The following ZNF536 variants were observed in gnomAD, a reference collection of about 807,000 sequenced individuals.
The protein encoded by ZNF536 is zinc finger protein 536.
ZNF536 carries 13 observed loss-of-function variants against 84.5 expected under a neutral mutation model. The ratio of observed to expected loss-of-function variants is 0.15; its 90% CI spans 0.10 to 0.24. The LOEUF (loss-of-function observed/expected upper bound fraction) is 0.24, where lower values mean the gene tolerates loss of function less well. Ranked by LOEUF, ZNF536 falls within the 10% of genes least tolerant of loss-of-function variation. The pLI is 1.00. For missense variants in ZNF536, 1,536 were observed against 1,747.5 expected, an observed-to-expected ratio of 0.88 and a Z score of 2.16; for synonymous variants, 811 against 742.5, an observed-to-expected ratio of 1.09 and a Z score of -1.50.
intron 4 of ZNF536, chr19:30,554,409 C>T (rs535386403): frequency 6.6e-6 from 1 of 151,974 alleles, no homozygotes; most frequent in African/African-American, 2.4e-5. Context: ...GTGCACGCCA[C>T]CACACCTGGC....
At chr19:30,236,253 C>T (rs996509256) in intron 1 of ZNF536, among the ~76,000 whole-genome samples, 15 of 152,376 alleles carry the variant, frequency 9.8e-5, no homozygotes, top group African/African-American at 3.1e-4. Flanking sequence ...GTACTGAGGA[C>T]TTGCATGTAG....
chr19:30,267,010 A>C (rs1192816612), intron 1 of ZNF536, among the ~76,000 whole-genome samples: 5 of 152,320 alleles, frequency 3.3e-5, no homozygotes, highest in South Asian at 2.1e-4. Flanking sequence ...ATTATGCAGG[A>C]AGGTGTCATG....
intron 2 of ZNF536, among the ~76,000 whole-genome samples, chr19:30,528,716 C>G (rs1301550002): frequency 2.0e-5 from 3 of 152,120 alleles, no homozygotes; most frequent in Non-Finnish European, 4.4e-5. Context: ...GGTGCAGGCA[C>G]ACTCTGTCTT....
At chr19:30,485,404 C>T (rs1377309954) in intron 2 of ZNF536, among the ~76,000 whole-genome samples, 1 of 152,112 alleles carries the variant, frequency 6.6e-6, no homozygotes, top group Non-Finnish European at 1.5e-5. Flanking sequence ...AATTTTAGAA[C>T]ATTTCTATCA....
chr19:30,265,669 C>A (rs2025473074), intron 1 of ZNF536, among the ~76,000 whole-genome samples: 1 of 152,154 alleles, frequency 6.6e-6, no homozygotes, highest in Non-Finnish European at 1.5e-5. Context: ...CAGGCTAGGA[C>A]TAGGCAGGAT....
intron 2 of ZNF536, among the ~76,000 whole-genome samples, chr19:30,466,160 C>T (rs1399212589): frequency 6.6e-6 from 1 of 151,664 alleles, no homozygotes; most frequent in Non-Finnish European, 1.5e-5. Context: ...GAGGTAGAGA[C>T]TGCAGTGAGC....
rs146124662 is a variant in ZNF536, at chr19:30,463,974, C to T, written c.2170+18242C>T. 4.9e-3 allele frequency among the ~76,000 whole-genome samples: 744 copies of T among 152,324 alleles called. 6 individuals carry two copies. The highest frequency in any genetic ancestry group is 0.017 in the African/African-American group (687 of 41,570). On this transcript the variant is annotated intron_variant, in intron 2 of 4. Transcript: ENST00000355537. The stretch of plus-strand genomic sequence containing the variant: ...CTCCCTGGATGATTATTCTCCTTCA[C>T]GAGCCTAAGAGGCGGCTCTAGGAGT...
intron 2 of ZNF536, among the ~76,000 whole-genome samples, chr19:30,293,373 T>G (rs1196620934): frequency 1.3e-5 from 2 of 152,234 alleles, no homozygotes; most frequent in African/African-American, 4.8e-5. Context: ...TAATTGATTT[T>G]ACATATTTCT....
intron 2 of ZNF536, among the ~76,000 whole-genome samples, chr19:30,517,010 G>A (rs2044107286): frequency 6.6e-6 from 1 of 152,142 alleles, no homozygotes; most frequent in Non-Finnish European, 1.5e-5. Flanking sequence ...CGAGTCCTGG[G>A]ACGTGATCTT....
chr19:30,579,821 G>A (rs895156053), intron 1 of ZNF536, among the ~76,000 whole-genome samples: 1 of 152,216 alleles, frequency 6.6e-6, no homozygotes, highest in African/African-American at 2.4e-5. Context: ...ACTCTGGTGA[G>A]ATGTTCCATT....
intron 1 of ZNF536, among the ~76,000 whole-genome samples, chr19:30,266,860 TCA>T (rs2025540395): frequency 6.6e-6 from 1 of 152,122 alleles, no homozygotes; most frequent in Non-Finnish European, 1.5e-5. Flanking sequence ...ACACACGCAC[TCA>T]CACACATCTG....
intron 2 of ZNF536, among the ~76,000 whole-genome samples, chr19:30,528,635 T>C (rs1246917407): frequency 6.6e-6 from 1 of 152,162 alleles, no homozygotes; most frequent in Non-Finnish European, 1.5e-5. Context: ...AGGTGCCCTC[T>C]ATTTTGTGAT....
chr19:30,258,692 T>A (rs945725904), intron 1 of ZNF536, among the ~76,000 whole-genome samples: 3 of 129,882 alleles, frequency 2.3e-5, no homozygotes, highest in Admixed American at 1.7e-4. Flanking sequence ...TTTTATTTTT[T>A]AAATATTTAT....
At chr19:30,417,773 G>GC (rs1196036517) in intron 1 of ZNF536, among the ~76,000 whole-genome samples, 4 of 152,052 alleles carry the variant, frequency 2.6e-5, no homozygotes, top group Non-Finnish European at 5.9e-5. Flanking sequence ...ATTTTTGTTT[G>GC]TTTTTAGACA....
chr19:30,580,986 T>C (rs2046901088), intron 1 of ZNF536, among the ~76,000 whole-genome samples: 1 of 152,236 alleles, frequency 6.6e-6, no homozygotes, highest in Non-Finnish European at 1.5e-5. Context: ...GTGATTTTCC[T>C]AGAAGAATTG....
At chr19:30,612,128 T>G (rs1389278299) in intron 1 of ZNF536, among the ~76,000 whole-genome samples, 2 of 152,228 alleles carry the variant, frequency 1.3e-5, no homozygotes, top group African/African-American at 4.8e-5. Context: ...AAGGATTTGG[T>G]GCTCCCGAAA....
intron 2 of ZNF536, among the ~76,000 whole-genome samples, chr19:30,460,248 A>G (rs1258523554): frequency 2.0e-5 from 3 of 152,194 alleles, no homozygotes; most frequent in Admixed American, 2.0e-4. Context: ...AGGAGTGGGA[A>G]AGAGAGAATG....
chr19:30,474,920 C>G (rs151093645), intron 2 of ZNF536, among the ~76,000 whole-genome samples: 1 of 150,626 alleles, frequency 6.6e-6, no homozygotes, highest in African/African-American at 2.4e-5. Flanking sequence ...ATTCTCCCCC[C>G]ACATCCCCCC....
At chr19:30,528,501 TC>T (rs1318896718) in intron 2 of ZNF536, among the ~76,000 whole-genome samples, 1 of 152,184 alleles carries the variant, frequency 6.6e-6, no homozygotes, top group Non-Finnish European at 1.5e-5. Flanking sequence ...TTAGTCAATT[TC>T]TGACCTTTTC....
Sources: allele counts gnomAD v4.1 joint callset (sites outside exome capture counted in the v4.1 genomes callset), GRCh38; gene constraint gnomAD v4.1.1; transcripts MANE v1.5; gene names NCBI Gene and HGNC (gene_info 2026-07-23, HGNC 2026-07-21).